LAMA5: variants seen among roughly 807,000 people sequenced by gnomAD.
LAMA5 encodes laminin subunit alpha-5.
In LAMA5, 260 loss-of-function variants were observed where a neutral mutation model predicts 433.4. The ratio of observed to expected loss-of-function variants is 0.60; its 90% CI spans 0.54 to 0.66. The LOEUF (loss-of-function observed/expected upper bound fraction) is 0.66, where lower values mean the gene tolerates loss of function less well. Among genes scored for constraint, LAMA5 ranks in the 30% least tolerant of loss-of-function variants. The pLI is 0.00. For missense variants in LAMA5, 5,378 were observed against 5,258.5 expected, an observed-to-expected ratio of 1.02 and a Z score of -0.70; for synonymous variants, 2,620 against 2,226.6, an observed-to-expected ratio of 1.18 and a Z score of -4.97.
intron 2 of LAMA5, among the ~76,000 whole-genome samples, chr20:62,357,659 C>T (rs1031952337): frequency 6.6e-6 from 1 of 152,204 alleles, no homozygotes; most frequent in African/African-American, 2.4e-5. Flanking sequence ...GCAAGCCCAC[C>T]GCTGGGAAGA....
At chr20:62,333,753 A>G (rs199590072) in intron 23 of LAMA5, 47 bp from the exon 24 acceptor site, 1 of 1,507,036 alleles carries the variant, frequency 6.6e-7, no homozygotes, top group East Asian at 2.4e-5. Flanking sequence ...CCTTGGGGCC[A>G]CCCCAGGCTG....
chr20:62,322,498 A>G, intron 46 of LAMA5, 49 bp from the exon 47 acceptor site: 1 of 1,533,562 alleles, frequency 6.5e-7, no homozygotes, highest in Non-Finnish European at 8.8e-7. Context: ...AGACTGTCCC[A>G]GACCAACCTG....
At chr20:62,352,924 C>T (rs991006755) in intron 3 of LAMA5, 12 of 505,050 alleles carry the variant, frequency 2.4e-5, no homozygotes, top group African/African-American at 1.8e-4. Flanking sequence ...CCTGGCGCCA[C>T]AGCCCCTGGA....
chr20:62,332,595 G>A lies in LAMA5; in HGVS notation c.3405C>T (p.Pro1135=), dbSNP rs569367891. 9 of 1,595,102 alleles carry A rather than the reference G, an allele frequency of 5.6e-6. No individual in the cohort carries two copies. Among genetic ancestry groups the A allele is most frequent in the African/African-American group, 4.0e-5 (3 of 74,524 alleles). Residue 1135 remains proline (P), a synonymous_variant, in exon 27 of 80, where the codon CCC becomes CCT. Coordinates refer to ENST00000252999, the MANE Select transcript of LAMA5 (RefSeq NM_005560.6). The part of the protein sequence containing the change: ...GVAVHTPQRA[P]QQGLLSLHPC... The stretch of plus-strand genomic sequence containing the variant: ...GGTGCAGGGAGAGCAGCCCCTGCTG[G>A]GGGGCCCGCTGTGGGGTGTGCACGG...
chr20:62,337,738 G>C lies in LAMA5; in HGVS notation c.2027-11C>G, dbSNP rs6062225. On this transcript the variant is annotated splice_polypyrimidine_tract_variant and intron_variant, in intron 15 of 79. Coordinates refer to ENST00000252999, the MANE Select transcript of LAMA5 (RefSeq NM_005560.6). ...CAGAGCAGTGGCAGGCTGCAGACAA[G>C]GATAGCTGTGGGCACGCAGTGGAGA... 6.2e-7 allele frequency: 1 copy of C among 1,607,928 alleles called. No individual in the cohort carries two copies.
chr20:62,326,584 A>T, intron 40 of LAMA5, 93 bp downstream of exon 40: 1 of 1,035,146 alleles, frequency 9.7e-7, no homozygotes, highest in South Asian at 1.4e-5. Flanking sequence ...TCCACCACGG[A>T]GAATGGGCAC....
chr20:62,356,630 C>A (rs1985279483), intron 2 of LAMA5: 1 of 151,942 alleles, frequency 6.6e-6, no homozygotes, highest in Admixed American at 6.6e-5. Context: ...AGGCCTCTGC[C>A]CGGTGACCAC....
rs748296660 is a variant in LAMA5 at position 62,327,971 on chromosome 20, G to A, written c.4692C>T (p.Cys1564=). 3 of 1,612,462 alleles carry A rather than the reference G, an allele frequency of 1.9e-6. No homozygotes were observed. Among genetic ancestry groups the A allele is most frequent in the Non-Finnish European group, 2.5e-6 (3 of 1,179,902 alleles). The change falls in exon 36 of 80, where the codon TGC becomes TGT. Residue 1564 remains cysteine, a synonymous_variant. Coordinates refer to ENST00000252999, the MANE Select transcript of LAMA5 (RefSeq NM_005560.6). ...PNVTGRRCDT[C]SPGFHGYPRC... The stretch of plus-strand genomic sequence containing the variant: ...GGGGGTAGCCATGGAAGCCCGGAGA[G>A]CAGGTATCACAGCGGCGCCCAGTCA...
At chr20:62,351,501 C>T (rs1469440601) in intron 6 of LAMA5, among the ~76,000 whole-genome samples, 1 of 152,172 alleles carries the variant, frequency 6.6e-6, no homozygotes, top group Non-Finnish European at 1.5e-5. Context: ...GGAGGCTGCA[C>T]ATGCCCTGGC....
chr20:62,316,455 G>C, intron 57 of LAMA5: 1 of 523,464 alleles, frequency 1.9e-6, no homozygotes, highest in Admixed American at 3.4e-5. Flanking sequence ...GTGGCAGCCA[G>C]TGCCTCGCAG....
intron 2 of LAMA5, among the ~76,000 whole-genome samples, chr20:62,354,414 G>C (rs1422298915): frequency 7.0e-6 from 1 of 142,130 alleles, no homozygotes; most frequent in Admixed American, 7.3e-5. Context: ...CCTGCCCCCA[G>C]CAGTCAGTGC....
At position 62,314,832 on chromosome 20, in the gene LAMA5, C is replaced by T. The variant is rs201783117; in HGVS notation, c.8163G>A (p.Glu2721=). The change falls in exon 60 of 80, where the codon GAG becomes GAA. Residue 2721 remains glutamate, a synonymous_variant. Transcript: ENST00000252999. ...ALSASIGRVR[E]LIAQARGAAS... Reference sequence around the variant, plus strand: ...CAGCCCCCCGGGCCTGGGCAATGAGCTCTCGCACGCGGCCAATGCTGGCGG... The same window carrying T: ...CAGCCCCCCGGGCCTGGGCAATGAGTTCTCGCACGCGGCCAATGCTGGCGG... 55 of 1,612,868 alleles carry T rather than the reference C, an allele frequency of 3.4e-5. No individual in the cohort carries two copies. In the Middle Eastern group the frequency reaches 6.6e-4, roughly 19 times the overall value.
intron 45 of LAMA5, among the ~76,000 whole-genome samples, chr20:62,322,965 G>A (rs1232843452): frequency 1.3e-5 from 2 of 151,732 alleles, no homozygotes; most frequent in African/African-American, 4.8e-5. Context: ...TCCCTGCCAT[G>A]GCCTGCCCTG....
chr20:62,339,036 CAA>C (rs547740017), intron 11 of LAMA5, among the ~76,000 whole-genome samples: 2 of 125,382 alleles, frequency 1.6e-5, no homozygotes, highest in Non-Finnish European at 1.6e-5. Context: ...GACTCCGTCT[CAA>C]AAAAAAAAAA....
At chr20:62,340,708 T>C (rs2146252759) in intron 11 of LAMA5, among the ~76,000 whole-genome samples, 1 of 152,236 alleles carries the variant, frequency 6.6e-6, no homozygotes, top group Middle Eastern at 3.4e-3. Context: ...CATTCTGGAT[T>C]AGAAACAAAG....
At chr20:62,323,945 G>A (rs1304533774) in intron 43 of LAMA5, 89 bp from the exon 44 acceptor site, 3 of 1,447,172 alleles carry the variant, frequency 2.1e-6, no homozygotes, top group East Asian at 2.5e-5. Context: ...ACACACGCCA[G>A]GCGTCGGGGG....
At chr20:62,352,479 CCG>C in intron 3 of LAMA5, 119 bp from the exon 4 acceptor site, 1 of 744,942 alleles carries the variant, frequency 1.3e-6, no homozygotes, top group Non-Finnish European at 2.2e-6. Context: ...GGCCAAGAGG[CCG>C]CGTGACAGAG....
At chr20:62,316,859 T>C in intron 56 of LAMA5, 23 bp downstream of exon 56, 1 of 1,529,050 alleles carries the variant, frequency 6.5e-7, no homozygotes, top group Non-Finnish European at 8.8e-7. Context: ...CTGCTGGGGC[T>C]GAGGGGAAGT....
intron 2 of LAMA5, among the ~76,000 whole-genome samples, chr20:62,358,247 C>T (rs879837687): frequency 2.0e-5 from 3 of 152,144 alleles, no homozygotes; most frequent in African/African-American, 4.8e-5. Flanking sequence ...CCGTGTCCTC[C>T]TTCCAGGACA....
Sources: allele counts gnomAD v4.1 joint callset (sites outside exome capture counted in the v4.1 genomes callset), GRCh38; gene constraint gnomAD v4.1.1; transcripts MANE v1.5; gene names NCBI Gene and HGNC (gene_info 2026-07-23, HGNC 2026-07-21).